Variants in USP19 observed in about 807,000 individuals in gnomAD.
USP19 encodes ubiquitin carboxyl-terminal hydrolase 19.
Under a neutral mutation model 144.8 loss-of-function variants are expected in USP19, and 40 were observed. That is an observed-to-expected ratio of 0.28 (90% CI 0.21 to 0.36). USP19 has a LOEUF of 0.36. Among genes scored for constraint, USP19 ranks in the 10% least tolerant of loss-of-function variants. The pLI is 1.00. For missense variants in USP19, 1,518 were observed against 1,822.5 expected (o/e 0.83, Z 3.04); for synonymous variants, 701 against 709.3 (o/e 0.99, Z 0.19).
intron 2 of USP19, 101 bp downstream of exon 2, chr3:49,118,921 C>A (rs1575503531): frequency 6.5e-7 from 1 of 1,546,676 alleles, no homozygotes; most frequent in East Asian, 2.3e-5. Flanking sequence ...CAAACCAGGA[C>A]AGAGAGAAGA....
intron 1 of USP19, 49 bp downstream of exon 1, chr3:49,120,707 G>A (rs1050864417): frequency 5.4e-6 from 1 of 184,896 alleles, no homozygotes; most frequent in Admixed American, 5.9e-5. Context: ...CGCGCGTTGC[G>A]GCCTCCCCGC....
In USP19 at chr3:49,110,996, G is replaced by C. The variant is rs1002330949; in HGVS notation, c.3499C>G (p.Leu1167Val). 6.2e-7 allele frequency: 1 copy of C among 1,614,018 alleles called. No individual in the cohort carries two copies. Among genetic ancestry groups the C allele is most frequent in the Non-Finnish European group, 8.5e-7 (1 of 1,180,024 alleles). Residue 1167 changes from leucine to valine, a missense_variant, in exon 23 of 27, where the codon CTC (leucine) becomes GTC (valine). By Grantham distance (32) the Leu-to-Val change is conservative. Transcript: ENST00000417901. This position sits in a 1 kb window ranked among gnomAD's most constrained non-coding sequence, Gnocchi z 6.1. ...RAGHFTLDQCLNLFTRPEVLA... is the reference protein window; with the variant it reads ...RAGHFTLDQCVNLFTRPEVLA... ...ACCTCAGGCCGTGTGAAGAGGTTGA[G>C]GCACTGGTCCAGGGTGAAGTGGCCG...
At position 49,108,856 on chromosome 3, in the gene USP19, A is replaced by G. The variant is rs948608467; in HGVS notation, c.4039-328T>C. 5.7e-5 allele frequency: 84 copies of G among 1,468,508 alleles called. No homozygotes were observed. Among genetic ancestry groups the G allele is most frequent in the Middle Eastern group, 1.8e-4 (1 of 5,556 alleles). 91.0% of individuals were successfully genotyped at this position (1,468,508 alleles called of 1,614,324 possible). ...CTCCCCACCCTCTCCCACCAGATGC[A>G]TAAGCTGAGGCCCAAAGCCCAGAGG... On this transcript the variant is annotated intron_variant, in intron 26 of 26. Transcript: ENST00000417901. This position sits in a 1 kb window ranked among gnomAD's most constrained non-coding sequence, Gnocchi z 4.8.
chr3:49,108,525 G>T lies in USP19; in HGVS notation c.4042C>A (p.Leu1348Ile). 1 of 1,252,620 alleles carries T rather than the reference G, an allele frequency of 8.0e-7. No individual in the cohort carries two copies. Among genetic ancestry groups the T allele is most frequent in the Non-Finnish European group, 1.0e-6 (1 of 976,742 alleles). 77.6% of individuals were successfully genotyped at this position (1,252,620 alleles called of 1,614,324 possible). Residue 1348 changes from leucine (L) to isoleucine (I), a missense_variant, in exon 27 of 27, where the codon CTA becomes ATA. Leu to Ile is a conservative substitution (Grantham distance 5, BLOSUM62 2). This residue lies in a region of USP19 where 118 missense variants were observed against 100.2 expected (regional missense o/e 1.18). Coordinates refer to ENST00000417901, the MANE Select transcript of USP19 (RefSeq NM_001199161.2). This position sits in a 1 kb window ranked among gnomAD's most constrained non-coding sequence, Gnocchi z 4.8. Reference sequence around the variant, plus strand: ...ACCTCGGGGGCCTGGCCAGGGCCTAGTCCCTGCAACAGAATACGAGGACAG... The same window carrying T: ...ACCTCGGGGGCCTGGCCAGGGCCTATTCCCTGCAACAGAATACGAGGACAG... ...PAAEAAASQG[L>I]GPGQAPEVAP...
intron 1 of USP19, 113 bp from the exon 2 acceptor site, chr3:49,119,394 C>G (rs1033225598): frequency 2.2e-6 from 1 of 450,692 alleles, no homozygotes; most frequent in African/African-American, 2.0e-5. Context: ...CTTCTCATCT[C>G]TTAAGTACCC....
At position 49,112,108 on chromosome 3, in the gene USP19, G is replaced by T; in HGVS notation, c.2766-60C>A. 6.3e-7 allele frequency: 1 copy of T among 1,594,472 alleles called. No individual in the cohort carries two copies. Among genetic ancestry groups the T allele is most frequent in the Non-Finnish European group, 8.6e-7 (1 of 1,168,852 alleles). ...GCCCCATCTCCTATGACTCCATACT[G>T]GGGGCTAGTCATAGTCCCTGGGAAC... On this transcript the variant is annotated intron_variant, in intron 19 of 26. Coordinates refer to ENST00000417901, the MANE Select transcript of USP19 (RefSeq NM_001199161.2). The surrounding 1 kb of genome is among the most constrained non-coding windows in gnomAD (Gnocchi z 4.9).
At chr3:49,113,269 TTTTTA>T (rs746854460) in intron 17 of USP19, among the ~76,000 whole-genome samples, 26 of 152,282 alleles carry the variant, frequency 1.7e-4, no homozygotes, top group Middle Eastern at 3.4e-3. Flanking sequence ...TGTATGTCTA[TTTTTA>T]TTTTATTTTA....
In USP19 at chr3:49,117,050, A is replaced by G. The variant is rs2044266144; in HGVS notation, c.909+9T>C. On this transcript the variant is annotated intron_variant, in intron 6 of 26. Coordinates refer to ENST00000417901, the MANE Select transcript of USP19 (RefSeq NM_001199161.2). The surrounding 1 kb of genome is among the most constrained non-coding windows in gnomAD (Gnocchi z 4.4). ...TCTCCTAACACCCAAACAGGTGCCC[A>G]GCTCTCACCTGGGTGGCTGGGTCAG... The G allele has an allele frequency of 6.6e-7, 1 of 1,517,764 alleles. No homozygotes were observed. Among genetic ancestry groups the G allele is most frequent in the African/African-American group, 1.4e-5 (1 of 72,138 alleles). The allele number at this position is 1,517,764 out of a possible 1,614,324, so 94.0% of individuals were successfully genotyped here.
intron 17 of USP19, 100 bp downstream of exon 17, chr3:49,113,892 C>T: frequency 1.5e-6 from 2 of 1,300,660 alleles, no homozygotes; most frequent in Admixed American, 1.8e-5. Context: ...CTGTGCCCAG[C>T]CCATGTGTAT....
At chr3:49,120,022 C>T (rs1455468802) in intron 1 of USP19, among the ~76,000 whole-genome samples, 2 of 152,206 alleles carry the variant, frequency 1.3e-5, no homozygotes, top group East Asian at 1.9e-4. Context: ...TTATCACCTT[C>T]CTTCCCAGAT....
chr3:49,112,234 G>A lies in USP19; in HGVS notation c.2765+50C>T, dbSNP rs1313285680. 1 of 1,568,256 alleles carries A rather than the reference G, an allele frequency of 6.4e-7. No individual in the cohort carries two copies. The highest frequency in any genetic ancestry group is 1.2e-5 in the South Asian group (1 of 86,592). On this transcript the variant is annotated intron_variant, in intron 19 of 26. Transcript: ENST00000417901. This position sits in a 1 kb window ranked among gnomAD's most constrained non-coding sequence, Gnocchi z 4.9. ...TGGTGTGAAGGGAAGGAGCAGGGTG[G>A]CACATGGAAGGTGGAAAGAAAGGGT... is the stretch of plus-strand genomic sequence containing the variant.
chr3:49,108,684 T>A lies in USP19; in HGVS notation c.4039-156A>T. On this transcript the variant is annotated intron_variant, in intron 26 of 26. Coordinates refer to ENST00000417901, the MANE Select transcript of USP19 (RefSeq NM_001199161.2). This position sits in a 1 kb window ranked among gnomAD's most constrained non-coding sequence, Gnocchi z 4.8. ...ACAGAGAGACGAGATTGGGCCTGAATAGTCTGGTTTTATTAACACTTTTAA... is the reference window on the plus strand; with the variant it reads ...ACAGAGAGACGAGATTGGGCCTGAAAAGTCTGGTTTTATTAACACTTTTAA... 1 of 1,306,622 alleles carries A rather than the reference T, an allele frequency of 7.7e-7. No homozygotes were observed. The highest frequency in any genetic ancestry group is 9.7e-7 in the Non-Finnish European group (1 of 1,028,972). The allele number at this position is 1,306,622 out of a possible 1,614,324, so 80.9% of individuals were successfully genotyped here. A position where few individuals can be genotyped will look rare whatever the true frequency, so the allele number is the denominator to read the frequency against.
Position 49,112,218 on chromosome 3 carries a change from G to C in USP19, c.2765+66C>G. ...TTAAGCATATGTGCCTTGGTGTGAAGGGAAGGAGCAGGGTGGCACATGGAA... is the reference window on the plus strand; with the variant it reads ...TTAAGCATATGTGCCTTGGTGTGAACGGAAGGAGCAGGGTGGCACATGGAA... On this transcript the variant is annotated intron_variant, in intron 19 of 26. Transcript: ENST00000417901. This position sits in a 1 kb window ranked among gnomAD's most constrained non-coding sequence, Gnocchi z 4.9. 6.4e-7 allele frequency: 1 copy of C among 1,559,042 alleles called. No individual in the cohort carries two copies. The highest frequency in any genetic ancestry group is 1.4e-5 in the African/African-American group (1 of 73,604).
At chr3:49,119,979 G>C (rs1473464768) in intron 1 of USP19, among the ~76,000 whole-genome samples, 1 of 152,178 alleles carries the variant, frequency 6.6e-6, no homozygotes, top group Non-Finnish European at 1.5e-5. Context: ...TACTAAGGCA[G>C]GATGGGCATC....
In USP19 at chr3:49,117,528, C is replaced by G; in HGVS notation, c.515G>C (p.Ser172Thr). 6.2e-7 allele frequency: 1 copy of G among 1,614,112 alleles called. No homozygotes were observed. Among genetic ancestry groups the G allele is most frequent in the Non-Finnish European group, 8.5e-7 (1 of 1,180,046 alleles). ...GCGGGTTTGCACTTTAGCACAAGAG[C>G]TTTTTATCTCAGCATAGAAGACACC... ...WGGVFYAEIK[S>T]SCAKVQTRKG... The change falls in exon 5 of 27, where the codon AGC becomes ACC. Residue 172 changes from serine (S) to threonine (T), a missense_variant. Ser to Thr is a moderately conservative substitution (Grantham distance 58, BLOSUM62 1). Transcript: ENST00000417901. This position sits in a 1 kb window ranked among gnomAD's most constrained non-coding sequence, Gnocchi z 4.4.
chr3:49,114,882 C>T lies in USP19; in HGVS notation c.2182-9G>A, dbSNP rs1323064195. The T allele has an allele frequency of 6.2e-7, 1 of 1,614,160 alleles. No individual in the cohort carries two copies. Among genetic ancestry groups the T allele is most frequent in the Admixed American group, 1.7e-5 (1 of 60,022 alleles). On this transcript the variant is annotated splice_polypyrimidine_tract_variant and intron_variant, in intron 14 of 26. Coordinates refer to ENST00000417901, the MANE Select transcript of USP19 (RefSeq NM_001199161.2). The surrounding 1 kb of genome is among the most constrained non-coding windows in gnomAD (Gnocchi z 4.5). The stretch of plus-strand genomic sequence containing the variant: ...GCTTCCTCAGCTACCACCTGAGAGG[C>T]AGAGTGGTGAGAACCAAAGAGTACC...
chr3:49,118,894 CCTT>C, intron 2 of USP19, 125 bp downstream of exon 2: 3 of 1,421,768 alleles, frequency 2.1e-6, no homozygotes, highest in East Asian at 2.4e-5. Flanking sequence ...TATCATGGGT[CCTT>C]CTTCTCTCAT....
At position 49,115,902 on chromosome 3, in the gene USP19, G is replaced by A. The variant is rs199766552; in HGVS notation, c.1514C>T (p.Thr505Ile). Residue 505 changes from threonine (T) to isoleucine (I), a missense_variant, in exon 11 of 27, where the codon ACC becomes ATC. By Grantham distance (89) the Thr-to-Ile change is moderately conservative. Around this residue, in one of 5 missense-constraint regions of USP19, gnomAD observed 707 missense variants for 728.9 expected, o/e 0.97. Coordinates refer to ENST00000417901, the MANE Select transcript of USP19 (RefSeq NM_001199161.2). The surrounding 1 kb of genome is among the most constrained non-coding windows in gnomAD (Gnocchi z 6.6). ...GAKVAVPTGPTPLDSTPPGGA... is the reference protein window; with the variant it reads ...GAKVAVPTGPIPLDSTPPGGA... ...TCCTGGTGGGGTTGAATCCAGAGGG[G>A]TTGGACCTGTCGGCACGGCAACCTT... is the stretch of plus-strand genomic sequence containing the variant. 1.9e-4 allele frequency: 292 copies of A among 1,574,714 alleles called. 1 individual carries two copies. The South Asian group carries it at 2.5e-3, about 14-fold the overall frequency.
At position 49,108,749 on chromosome 3, in the gene USP19, AG is replaced by A; in HGVS notation, c.4039-222del. 7.2e-7 allele frequency: 1 copy of A among 1,382,886 alleles called. No homozygotes were observed. Among genetic ancestry groups the A allele is most frequent in the South Asian group, 1.8e-5 (1 of 56,088 alleles). The allele number at this position is 1,382,886 out of a possible 1,614,324, so 85.7% of individuals were successfully genotyped here. On this transcript the variant is annotated intron_variant, in intron 26 of 26. Transcript: ENST00000417901. This position sits in a 1 kb window ranked among gnomAD's most constrained non-coding sequence, Gnocchi z 4.8. Reference sequence around the variant, plus strand: ...TTGGGCAGGGCCAAGCCTGAGGCCAAGGGTCAGAGCAGCAGGATGAATGGAC... The same window carrying A: ...TTGGGCAGGGCCAAGCCTGAGGCCAAGGTCAGAGCAGCAGGATGAATGGAC...
Sources: gnomAD v4.1 joint callset for allele counts (sites outside exome capture counted in the v4.1 genomes callset) on GRCh38, gnomAD v4.1.1 for gene constraint, gnomAD v4.1.1 regional missense constraint, Gnocchi (gnomAD v3.1) non-coding constraint, MANE v1.5 for transcripts, NCBI Gene and HGNC (gene_info 2026-07-23, HGNC 2026-07-21) for gene names.